Variants in NOS2 observed in about 807,000 individuals in gnomAD.
NOS2 encodes the protein nitric oxide synthase 2, also known as nitric oxide synthase, inducible.
Under a neutral mutation model 136.0 loss-of-function variants are expected in NOS2, and 96 were observed. The ratio of observed to expected loss-of-function variants is 0.71; its 90% CI spans 0.60 to 0.84. NOS2 has a LOEUF of 0.84. NOS2 is among the 40% of genes least tolerant of loss of function. NOS2 has a pLI of 0.00. For synonymous variants in NOS2, 539 were observed against 587.5 expected (o/e 0.92, Z 1.20); for missense variants, 1,237 against 1,496.9 (o/e 0.83, Z 2.87).
rs781065072 is a variant in NOS2, at chr17:27,757,237, T to C, written c.*9A>G. 3.7e-6 allele frequency: 6 copies of C among 1,612,238 alleles called. No homozygotes were observed. In the South Asian group the frequency reaches 5.5e-5, roughly 15 times the overall value. On this transcript the variant is annotated 3_prime_UTR_variant, in exon 27 of 27. Transcript: ENST00000313735. Reference sequence around the variant, plus strand: ...CTGTGCCGGCAGCTTTAACCCCTCCTGTAGGCCCTCAGAGCGCTGACATCT... The same window carrying C: ...CTGTGCCGGCAGCTTTAACCCCTCCCGTAGGCCCTCAGAGCGCTGACATCT...
In NOS2 at chr17:27,774,385, C is replaced by A; in HGVS notation, c.1348G>T (p.Glu450Ter). The A allele has an allele frequency of 6.3e-7, 1 of 1,581,620 alleles. No individual in the cohort carries two copies. The highest frequency in any genetic ancestry group is 1.8e-5 in the Admixed American group (1 of 55,360). Residue 450 changes from glutamate (E) to a stop codon, truncating the protein, a stop_gained, in exon 12 of 27, where the codon GAA becomes TAA. Coordinates refer to ENST00000313735, the MANE Select transcript of NOS2 (RefSeq NM_000625.4). LOFTEE classifies it high-confidence loss of function. ...GGGCAGCCCCCACGGGACCGGTATT[C>A]ATTCTGCATGTACTTCATGAAGGAT... ...AESFMKYMQN[E>*]YRSRGGCPAD...
chr17:27,772,813 C>T (rs1057004891), intron 13 of NOS2, among the ~76,000 whole-genome samples: 3 of 152,036 alleles, frequency 2.0e-5, no homozygotes, highest in Non-Finnish European at 2.9e-5. Flanking sequence ...GCAGGAAGAT[C>T]GCTTGAGCCC....
chr17:27,784,133 AACACACACACAC>A (rs3838880), intron 5 of NOS2, among the ~76,000 whole-genome samples: 1 of 147,004 alleles, frequency 6.8e-6, no homozygotes, highest in South Asian at 2.2e-4. Flanking sequence ...AAGGCTTTGA[AACACACACACAC>A]ACACACACAC....
In NOS2 at chr17:27,765,585, T is replaced by C. The variant is rs746882806; in HGVS notation, c.2378A>G (p.Asp793Gly). ...LVQGILERVV[D>G]GPTPHQTVRL... The stretch of plus-strand genomic sequence containing the variant: ...CACTGTCTGGTGGGGTGTGGGGCCA[T>C]CCACCACTCGCTCCAGGATACCTTG... The change falls in exon 20 of 27, where the codon GAT becomes GGT. Residue 793 changes from aspartate (D) to glycine (G), a missense_variant. Transcript: ENST00000313735. The C allele has an allele frequency of 1.2e-6, 2 of 1,612,186 alleles. No individual in the cohort carries two copies. Among genetic ancestry groups the C allele is most frequent in the African/African-American group, 2.7e-5 (2 of 75,030 alleles).
At chr17:27,794,726 A>ACACACACG (rs1380784368) in intron 2 of NOS2, among the ~76,000 whole-genome samples, 1 of 151,736 alleles carries the variant, frequency 6.6e-6, no homozygotes, top group African/African-American at 2.4e-5. Flanking sequence ...ACACACACAC[A>ACACACACG]CACACACACA....
chr17:27,783,149 C>A (rs1289706798), intron 5 of NOS2, 43 bp from the exon 6 acceptor site: 2 of 1,599,686 alleles, frequency 1.3e-6, no homozygotes, highest in South Asian at 1.1e-5. Context: ...AATGAGATGG[C>A]CTTACATGGG....
chr17:27,792,650 G>A (rs541614996), intron 2 of NOS2, among the ~76,000 whole-genome samples: 2 of 151,820 alleles, frequency 1.3e-5, no homozygotes, highest in African/African-American at 2.4e-5. Flanking sequence ...ACAGCTGTGC[G>A]GGGTCCTGAG....
In NOS2 at chr17:27,799,503, A is replaced by G. The variant is rs559974799; in HGVS notation, c.-73-621T>C. Among the ~76,000 whole-genome samples, 3 of 152,362 alleles carry G rather than the reference A, an allele frequency of 2.0e-5. No individual in the cohort carries two copies. The South Asian group carries it at 6.2e-4, about 32-fold the overall frequency. On this transcript the variant is annotated intron_variant, in intron 1 of 26. Coordinates refer to ENST00000313735, the MANE Select transcript of NOS2 (RefSeq NM_000625.4). ...GAAACAGACAAGAGGAAGATCAAAG[A>G]GGCAAAAACTCTGTCTTTAGAAGAC...
chr17:27,781,285 A>G lies in NOS2; in HGVS notation c.723-108T>C, dbSNP rs1003524239. ...CACCCTACCTGCTCTGCAGCCCCTG[A>G]TCCCAAGCTGACTGAGCCAGCCTCC... On this transcript the variant is annotated intron_variant, in intron 7 of 26. Transcript: ENST00000313735. 21 of 1,292,400 alleles carry G rather than the reference A, an allele frequency of 1.6e-5. No homozygotes were observed. The African/African-American group carries it at 2.9e-4, about 18-fold the overall frequency. The allele number at this position is 1,292,400 out of a possible 1,614,324, so 80.1% of individuals were successfully genotyped here. A position where few individuals can be genotyped will look rare whatever the true frequency, so the allele number is the denominator to read the frequency against.
At position 27,771,030 on chromosome 17, in the gene NOS2, C is replaced by A. The variant is rs748632109; in HGVS notation, c.1705-13G>T. On this transcript the variant is annotated splice_polypyrimidine_tract_variant and intron_variant, in intron 14 of 26. Transcript: ENST00000313735. ...CCATGCAGACAACCTGGATGGCACCCAAGTGGACATCAGCCCTCGGCTCCC... is the reference window on the plus strand; with the variant it reads ...CCATGCAGACAACCTGGATGGCACCAAAGTGGACATCAGCCCTCGGCTCCC... 6.2e-7 allele frequency: 1 copy of A among 1,603,342 alleles called. No individual in the cohort carries two copies.
At chr17:27,790,515 C>G (rs28998829) in intron 2 of NOS2, among the ~76,000 whole-genome samples, 93 of 152,308 alleles carry the variant, frequency 6.1e-4, no homozygotes, top group African/African-American at 2.2e-3. Flanking sequence ...AGAGAATAGT[C>G]TAATAACCTT....
chr17:27,778,206 T>G (rs1271271081), intron 11 of NOS2, among the ~76,000 whole-genome samples: 1 of 150,642 alleles, frequency 6.6e-6, no homozygotes, highest in Admixed American at 6.6e-5. Context: ...GAGGCCTTCT[T>G]TTTTTTTTGA....
intron 2 of NOS2, among the ~76,000 whole-genome samples, chr17:27,792,815 CAAAAAAAAAAAA>C (rs34992777): frequency 7.6e-5 from 4 of 52,512 alleles, no homozygotes; most frequent in African/African-American, 3.3e-4. Context: ...CCTATCTCTA[CAAAAAAAAAAAA>C]AAAAAAAAAA....
intron 2 of NOS2, among the ~76,000 whole-genome samples, chr17:27,795,218 T>C (rs565976541): frequency 6.6e-6 from 1 of 152,370 alleles, no homozygotes; most frequent in Admixed American, 6.5e-5. Flanking sequence ...CATTTTTCTC[T>C]GTCTCTTGAA....
intron 5 of NOS2, among the ~76,000 whole-genome samples, chr17:27,785,957 CAAAAAAAA>C (rs1170004221): frequency 2.8e-4 from 11 of 39,790 alleles, no homozygotes; most frequent in African/African-American, 8.0e-4. Context: ...GACCGAGTCT[CAAAAAAAA>C]AAAAAAAAAA....
At chr17:27,791,933 C>G (rs1909206313) in intron 2 of NOS2, among the ~76,000 whole-genome samples, 1 of 152,112 alleles carries the variant, frequency 6.6e-6, no homozygotes, top group Non-Finnish European at 1.5e-5. Flanking sequence ...GCCCCTCTTG[C>G]TCTTTTGCCA....
At position 27,780,850 on chromosome 17, in the gene NOS2, C is replaced by A; in HGVS notation, c.921G>T (p.Leu307=). Residue 307 remains leucine (L), a synonymous_variant, in exon 9 of 27, where the codon CTG becomes CTT. Coordinates refer to ENST00000313735, the MANE Select transcript of NOS2 (RefSeq NM_000625.4). ...GGTCACGGCCATTGGCCTGCAGGAC[C>A]AGGGGGACCACATCGAAGCGGCCGT... ...PKYGRFDVVP[L]VLQANGRDPE... is the part of the protein sequence containing the mutation. The A allele has an allele frequency of 1.2e-6, 2 of 1,614,166 alleles. No homozygotes were observed. Among genetic ancestry groups the A allele is most frequent in the Non-Finnish European group, 1.7e-6 (2 of 1,180,010 alleles).
rs202098132 is a variant in NOS2, at chr17:27,769,106, G to A, written c.1905C>T (p.Cys635=). 1.1e-4 allele frequency: 177 copies of A among 1,612,674 alleles called. No individual in the cohort carries two copies. Among genetic ancestry groups the A allele is most frequent in the Middle Eastern group, 4.9e-4 (3 of 6,062 alleles). Residue 635 remains cysteine, a synonymous_variant, in exon 17 of 27, where the codon TGC becomes TGT. Coordinates refer to ENST00000313735, the MANE Select transcript of NOS2 (RefSeq NM_000625.4). The stretch of plus-strand genomic sequence containing the variant: ...TCTGATCAATGTCATGAGCAAAGGC[G>A]CAGAACCGAGGGTACATGCTGGAGC... ...GLGSSMYPRF[C]AFAHDIDQKL...
chr17:27,756,924 G>C lies in NOS2; in HGVS notation c.*322C>G, dbSNP rs1395994233. 1 of 320,264 alleles carries C rather than the reference G, an allele frequency of 3.1e-6. No individual in the cohort carries two copies. Among genetic ancestry groups the C allele is most frequent in the Non-Finnish European group, 5.6e-6 (1 of 177,580 alleles). 19.8% of individuals were successfully genotyped at this position (320,264 alleles called of 1,614,324 possible). On this transcript the variant is annotated 3_prime_UTR_variant, in exon 27 of 27. Transcript: ENST00000313735. ...CAGTTAAATACACAGTGGTGCGATAGCACCTCCTGGTGGTCACTTGAAGTG... is the reference window on the plus strand; with the variant it reads ...CAGTTAAATACACAGTGGTGCGATACCACCTCCTGGTGGTCACTTGAAGTG...
Sources: gnomAD v4.1 joint callset for allele counts (sites outside exome capture counted in the v4.1 genomes callset) on GRCh38, gnomAD v4.1.1 for gene constraint, MANE v1.5 for transcripts, NCBI Gene and HGNC (gene_info 2026-07-23, HGNC 2026-07-21) for gene names.